ELP4: variants seen among roughly 807,000 people sequenced by gnomAD.
ELP4 encodes the protein elongator acetyltransferase complex subunit 4, also known as elongator complex protein 4.
ELP4 carries 51 observed loss-of-function variants against 48.9 expected under a neutral mutation model. The observed-to-expected ratio is 1.04, with a 90% CI of 0.83 to 1.32. The LOEUF is 1.32. Ranked by LOEUF, ELP4 falls within the 40% of genes most tolerant of loss-of-function variation. ELP4 has a pLI of 0.00. For synonymous variants in ELP4, 210 were observed against 189.2 expected (o/e 1.11, Z -0.90); for missense variants, 519 against 514.6 (o/e 1.01, Z -0.08).
intron 9 of ELP4, among the ~76,000 whole-genome samples, chr11:31,766,996 T>C (rs1243786557): frequency 6.6e-6 from 1 of 152,150 alleles, no homozygotes; most frequent in East Asian, 1.9e-4. Flanking sequence ...TTAGAAATCA[T>C]TTGATGAAAA....
chr11:31,746,756 G>A (rs1947602824), intron 9 of ELP4, among the ~76,000 whole-genome samples: 1 of 152,040 alleles, frequency 6.6e-6, no homozygotes, highest in South Asian at 2.1e-4. Context: ...GTGGAGGGGG[G>A]AGGGATAGCA....
rs1948862871 is a variant in ELP4 at position 31,788,585 on chromosome 11, C to T, written c.*5061C>T. 1 of 222,154 alleles carries T rather than the reference C, an allele frequency of 4.5e-6. No homozygotes were observed. The highest frequency in any genetic ancestry group is 2.2e-5 in the African/African-American group (1 of 44,700). 13.8% of individuals were successfully genotyped at this position (222,154 alleles called of 1,614,324 possible). On this transcript the variant is annotated 3_prime_UTR_variant, in exon 10 of 10. Transcript: ENST00000640961. Reference sequence around the variant, plus strand: ...AATAGGCTGACAATGGAAATCTGCCCAGATTGAAAATGCCAGTCCTAATTC... The same window carrying T: ...AATAGGCTGACAATGGAAATCTGCCTAGATTGAAAATGCCAGTCCTAATTC...
chr11:31,532,283 A>G (rs922774966), intron 2 of ELP4, among the ~76,000 whole-genome samples: 1 of 152,226 alleles, frequency 6.6e-6, no homozygotes, highest in Admixed American at 6.5e-5. Flanking sequence ...ATAAGATAAC[A>G]TAAAACATGT....
chr11:31,654,043 A>G (rs1945377733), intron 9 of ELP4: 1 of 151,708 alleles, frequency 6.6e-6, no homozygotes, highest in Non-Finnish European at 1.5e-5. Context: ...CAGCTCGATC[A>G]TACTGTAGCA....
Position 31,560,743 on chromosome 11 carries a change from T to G in ELP4, c.381+20960T>G, listed in dbSNP as rs150738529. Among the ~76,000 whole-genome samples the G allele has an allele frequency of 7.0e-3, 1,063 of 150,882 alleles. 16 individuals carry two copies. Among genetic ancestry groups the G allele is most frequent in the African/African-American group, 0.024 (987 of 41,282 alleles). ...ATATATATATAAAACAACATTGTTTTGTATATATATACGTACAGTCATGTA... is the reference window on the plus strand; with the variant it reads ...ATATATATATAAAACAACATTGTTTGGTATATATATACGTACAGTCATGTA... On this transcript the variant is annotated intron_variant, in intron 3 of 9. Coordinates refer to ENST00000640961, the MANE Select transcript of ELP4 (RefSeq NM_019040.5).
At chr11:31,631,943 C>T (rs1417446744) in intron 6 of ELP4, among the ~76,000 whole-genome samples, 1 of 151,912 alleles carries the variant, frequency 6.6e-6, no homozygotes, top group Non-Finnish European at 1.5e-5. Flanking sequence ...AAATATAATT[C>T]TTAGAGTTGT....
intron 9 of ELP4, among the ~76,000 whole-genome samples, chr11:31,708,348 A>G (rs1946676086): frequency 6.6e-6 from 1 of 152,172 alleles, no homozygotes; most frequent in Non-Finnish European, 1.5e-5. Context: ...ATTCAGGTTT[A>G]TATTTCACAA....
chr11:31,613,460 T>G (rs562394748), intron 5 of ELP4, among the ~76,000 whole-genome samples: 1 of 152,146 alleles, frequency 6.6e-6, no homozygotes, highest in Admixed American at 6.6e-5. Flanking sequence ...TACATAGTAA[T>G]AATAATCCTC....
intron 3 of ELP4, among the ~76,000 whole-genome samples, chr11:31,557,365 T>A (rs1956946698): frequency 6.6e-6 from 1 of 152,022 alleles, no homozygotes; most frequent in Non-Finnish European, 1.5e-5. Context: ...TATTAGTTGA[T>A]GTAGAATTAG....
At chr11:31,548,435 G>C (rs537070218) in intron 3 of ELP4, among the ~76,000 whole-genome samples, 45 of 151,922 alleles carry the variant, frequency 3.0e-4, no homozygotes, top group African/African-American at 4.3e-4. Context: ...CAAGGGATGT[G>C]AAGGACCTCT....
intron 4 of ELP4, among the ~76,000 whole-genome samples, chr11:31,596,929 CA>C (rs1430707836): frequency 1.3e-5 from 2 of 151,902 alleles, no homozygotes; most frequent in African/African-American, 2.4e-5. Context: ...GAGAGAAATT[CA>C]AATGAAAACT....
chr11:31,588,230 A>G (rs772335449), intron 3 of ELP4, among the ~76,000 whole-genome samples: 1 of 151,964 alleles, frequency 6.6e-6, no homozygotes, highest in Admixed American at 6.6e-5. Context: ...TTTCCTATTG[A>G]TAGATATTTA....
At chr11:31,612,953 C>T (rs890717258) in intron 5 of ELP4, among the ~76,000 whole-genome samples, 2 of 152,074 alleles carry the variant, frequency 1.3e-5, no homozygotes, top group African/African-American at 4.8e-5. Context: ...CCAAATGTCC[C>T]AAATATTGAG....
chr11:31,711,141 T>G (rs1055094270), intron 9 of ELP4, among the ~76,000 whole-genome samples: 1 of 152,204 alleles, frequency 6.6e-6, no homozygotes, highest in African/African-American at 2.4e-5. Context: ...GGATGATACA[T>G]AAATGTAAAA....
chr11:31,520,014 A>G (rs767222314), intron 1 of ELP4, 42 bp from the exon 2 acceptor site: 1 of 1,603,828 alleles, frequency 6.2e-7, no homozygotes, highest in South Asian at 1.1e-5. Flanking sequence ...AAGGTAATGG[A>G]AAAGGTAAAT....
At chr11:31,719,427 A>G in intron 9 of ELP4, 1 of 397,854 alleles carries the variant, frequency 2.5e-6, no homozygotes, top group Non-Finnish European at 4.4e-6. Context: ...TGAGGTTTAT[A>G]ATTATGTTTT....
At chr11:31,707,914 G>T (rs1946667517) in intron 9 of ELP4, among the ~76,000 whole-genome samples, 1 of 151,998 alleles carries the variant, frequency 6.6e-6, no homozygotes, top group Non-Finnish European at 1.5e-5. Context: ...TTGTGCCCAG[G>T]GCAATCATTT....
intron 1 of ELP4, among the ~76,000 whole-genome samples, chr11:31,514,275 A>G (rs1379467394): frequency 6.6e-6 from 1 of 152,168 alleles, no homozygotes; most frequent in African/African-American, 2.4e-5. Context: ...CCTGGGCAAC[A>G]TAGAGAGACC....
chr11:31,714,409 A>G (rs1280345018), intron 9 of ELP4, among the ~76,000 whole-genome samples: 1 of 152,180 alleles, frequency 6.6e-6, no homozygotes, highest in Non-Finnish European at 1.5e-5. Flanking sequence ...CTCTGCAGTG[A>G]TGTTTACTAT....
Sources: gnomAD v4.1 joint callset for allele counts (sites outside exome capture counted in the v4.1 genomes callset) on GRCh38, gnomAD v4.1.1 for gene constraint, MANE v1.5 for transcripts, NCBI Gene and HGNC (gene_info 2026-07-23, HGNC 2026-07-21) for gene names.